The following NAA15 variants were observed in gnomAD, a reference collection of about 807,000 sequenced individuals.
NAA15 encodes the protein N-terminal acetyltransferase.
A neutral mutation model predicts 114.0 loss-of-function variants in NAA15; 34 were observed. The ratio of observed to expected loss-of-function variants is 0.30; its 90% CI spans 0.23 to 0.40. The LOEUF is 0.40. Among genes scored for constraint, NAA15 ranks in the 10% least tolerant of loss-of-function variants. The pLI is 1.00. For missense variants in NAA15, 658 were observed against 1,004.5 expected (o/e 0.66, Z 4.66); for synonymous variants, 340 against 338.0 (o/e 1.01, Z -0.06).
At chr4:139,352,790 C>T (rs1747824562) in intron 9 of NAA15, among the ~76,000 whole-genome samples, 1 of 151,458 alleles carries the variant, frequency 6.6e-6, no homozygotes, top group African/African-American at 2.4e-5. Flanking sequence ...GCCTCAGCCT[C>T]CCAAGTAGCT....
intron 14 of NAA15, among the ~76,000 whole-genome samples, chr4:139,362,284 A>G (rs1217251972): frequency 6.6e-6 from 1 of 152,130 alleles, no homozygotes; most frequent in Non-Finnish European, 1.5e-5. Context: ...TATTAGTATT[A>G]CTAGTTATTT....
intron 11 of NAA15, among the ~76,000 whole-genome samples, chr4:139,359,530 T>C (rs1256251164): frequency 6.6e-6 from 1 of 152,266 alleles, no homozygotes; most frequent in African/African-American, 2.4e-5. Context: ...AATAAATCTT[T>C]ACTGTCAGAC....
At chr4:139,356,679 TA>T in intron 10 of NAA15, 2 of 152,304 alleles carry the variant, frequency 1.3e-5, no homozygotes, top group Middle Eastern at 3.4e-3. Context: ...TGAAAGCACG[TA>T]TCAGTTCTCA....
At chr4:139,302,987 T>C (rs2051369809) in intron 1 of NAA15, among the ~76,000 whole-genome samples, 1 of 152,224 alleles carries the variant, frequency 6.6e-6, no homozygotes, top group Non-Finnish European at 1.5e-5. Context: ...GTGTTAGCCT[T>C]TTCCCCCGCA....
chr4:139,375,320 T>C (rs1010171843), intron 15 of NAA15, among the ~76,000 whole-genome samples: 1 of 152,218 alleles, frequency 6.6e-6, no homozygotes. Context: ...TTAGAACATG[T>C]ATCCTTCAAA....
At chr4:139,319,495 A>C (rs1746528455) in intron 1 of NAA15, among the ~76,000 whole-genome samples, 1 of 151,952 alleles carries the variant, frequency 6.6e-6, no homozygotes, top group Non-Finnish European at 1.5e-5. Flanking sequence ...CAGTGTAGTG[A>C]CATGGTCATG....
At chr4:139,353,367 C>T (rs944560008) in intron 9 of NAA15, among the ~76,000 whole-genome samples, 12 of 152,166 alleles carry the variant, frequency 7.9e-5, no homozygotes, top group African/African-American at 2.7e-4. Flanking sequence ...TGATATTAGT[C>T]TGTTGAGTCA....
intron 17 of NAA15, among the ~76,000 whole-genome samples, chr4:139,384,376 G>A (rs1015618298): frequency 6.6e-6 from 1 of 152,166 alleles, no homozygotes; most frequent in Admixed American, 6.5e-5. Context: ...TTCTCAGGAG[G>A]CTGAGGTGGG....
chr4:139,352,351 C>T lies in NAA15; in HGVS notation c.1014+740C>T, dbSNP rs1475803813. Among the ~76,000 whole-genome samples, 38 of 152,016 alleles carry T rather than the reference C, an allele frequency of 2.5e-4. 1 individual carries two copies. Among genetic ancestry groups the T allele is most frequent in the Admixed American group, 1.8e-3 (27 of 15,276 alleles). On this transcript the variant is annotated intron_variant, in intron 9 of 19. Transcript: ENST00000296543. The stretch of plus-strand genomic sequence containing the variant: ...CTTGAACTCCTGACCTCAAATGATC[C>T]GCCCACCTCGGCCTCCCAAAGTGCT...
chr4:139,370,888 C>T (rs1748418295), intron 15 of NAA15, among the ~76,000 whole-genome samples: 1 of 152,192 alleles, frequency 6.6e-6, no homozygotes. Context: ...ATACGTGTAT[C>T]TCCCATTTAC....
At chr4:139,327,272 CAG>C (rs1176016018) in intron 1 of NAA15, among the ~76,000 whole-genome samples, 3 of 152,164 alleles carry the variant, frequency 2.0e-5, no homozygotes, top group East Asian at 1.9e-4. Flanking sequence ...TTGTTTGAGA[CAG>C]AGTCTCGCTC....
In NAA15 at chr4:139,308,110, T is replaced by C. The variant is rs936793907; in HGVS notation, c.54+6279T>C. The stretch of plus-strand genomic sequence containing the variant: ...CTGAGTAGCTGAGACTACAGGCACC[T>C]GCCACCACACCCAGCTAATTTTTTG... On this transcript the variant is annotated intron_variant, in intron 1 of 19. Transcript: ENST00000296543. Among the ~76,000 whole-genome samples, 6 of 152,036 alleles carry C rather than the reference T, an allele frequency of 3.9e-5. No individual in the cohort carries two copies. In the South Asian group the frequency reaches 8.3e-4, roughly 21 times the overall value.
chr4:139,386,113 C>T lies in NAA15; in HGVS notation c.2303-20C>T. 3 of 1,357,970 alleles carry T rather than the reference C, an allele frequency of 2.2e-6. No individual in the cohort carries two copies. The highest frequency in any genetic ancestry group is 3.1e-6 in the Non-Finnish European group (3 of 972,068). The allele number at this position is 1,357,970 out of a possible 1,614,324, so 84.1% of individuals were successfully genotyped here. On this transcript the variant is annotated intron_variant, in intron 18 of 19. Coordinates refer to ENST00000296543, the MANE Select transcript of NAA15 (RefSeq NM_057175.5). ...GTTGGTTTTACCTTGAAATAAATTT[C>T]CTATTTCCCTCTCATTTAGCTGCCA... is the stretch of plus-strand genomic sequence containing the variant.
At chr4:139,355,376 C>A (rs895084415) in intron 10 of NAA15, among the ~76,000 whole-genome samples, 1 of 151,736 alleles carries the variant, frequency 6.6e-6, no homozygotes, top group African/African-American at 2.4e-5. Flanking sequence ...ATCCCTTTTC[C>A]TGCAATTTAT....
chr4:139,312,056 A>G (rs1193403750), intron 1 of NAA15, among the ~76,000 whole-genome samples: 3 of 152,006 alleles, frequency 2.0e-5, no homozygotes, highest in Non-Finnish European at 2.9e-5. Context: ...AATTCTTGGT[A>G]TGCTGGGAAG....
At chr4:139,349,614 G>A (rs745404232) in intron 7 of NAA15, 33 bp downstream of exon 7, 4 of 1,549,402 alleles carry the variant, frequency 2.6e-6, no homozygotes, top group Non-Finnish European at 3.5e-6. Flanking sequence ...AAGTTTTATT[G>A]TTTCTTTTGT....
At chr4:139,303,611 A>G (rs552782556) in intron 1 of NAA15, among the ~76,000 whole-genome samples, 27 of 152,234 alleles carry the variant, frequency 1.8e-4, no homozygotes, top group African/African-American at 5.3e-4. Context: ...AGGCTGGCCA[A>G]CGTAGTGAAA....
At chr4:139,311,753 G>A (rs1269490555) in intron 1 of NAA15, among the ~76,000 whole-genome samples, 1 of 151,762 alleles carries the variant, frequency 6.6e-6, no homozygotes, top group Non-Finnish European at 1.5e-5. Context: ...CAGGGTTGAT[G>A]ACCACTATAT....
chr4:139,380,264 G>T lies in NAA15; in HGVS notation c.2155+1410G>T, dbSNP rs571239163. ...TGTTTCTCTTTAGTTTTTTTGGGGG[G>T]GGGGAGTATGAAAAATAACTTTGCA... On this transcript the variant is annotated intron_variant, in intron 17 of 19. Transcript: ENST00000296543. Among the ~76,000 whole-genome samples the T allele has an allele frequency of 4.0e-5, 6 of 150,592 alleles. No homozygotes were observed. In the South Asian group the frequency reaches 6.4e-4, roughly 16 times the overall value.
Sources: allele counts gnomAD v4.1 joint callset (sites outside exome capture counted in the v4.1 genomes callset), GRCh38; gene constraint gnomAD v4.1.1; transcripts MANE v1.5; gene names NCBI Gene and HGNC (gene_info 2026-07-23, HGNC 2026-07-21).